Variants in RPH3A observed in about 807,000 individuals in gnomAD.
RPH3A encodes the protein rabphilin 3A.
RPH3A carries 48 observed loss-of-function variants against 102.2 expected under a neutral mutation model. The observed-to-expected ratio is 0.47, with a 90% confidence interval of 0.37 to 0.60. The LOEUF is 0.60. Among genes scored for constraint, RPH3A ranks in the 20% least tolerant of loss-of-function variants. RPH3A has a pLI of 0.00. For synonymous variants in RPH3A, 310 were observed against 324.3 expected (o/e 0.96, Z 0.47); for missense variants, 781 against 910.1 (o/e 0.86, Z 1.83).
At chr12:112,890,184 T>G (rs2043069694) in intron 18 of RPH3A, 104 bp downstream of exon 18, 1 of 1,005,172 alleles carries the variant, frequency 9.9e-7, no homozygotes, top group Admixed American at 1.8e-5. Context: ...TCCATTCTCT[T>G]CCAACCACCC....
At chr12:112,583,979 C>T (rs1312025240) in intron 1 of RPH3A, among the ~76,000 whole-genome samples, 1 of 152,118 alleles carries the variant, frequency 6.6e-6, no homozygotes, top group African/African-American at 2.4e-5. Flanking sequence ...GAGCGAGACC[C>T]TGTCTCAAAA....
chr12:112,819,467 A>T (rs1207379387), intron 2 of RPH3A, among the ~76,000 whole-genome samples: 1 of 152,172 alleles, frequency 6.6e-6, no homozygotes. Context: ...AGTCATGCAG[A>T]GACTAAAAAG....
intron 5 of RPH3A, among the ~76,000 whole-genome samples, chr12:112,856,483 CAT>C (rs777320766): frequency 1.2e-3 from 105 of 86,738 alleles, no homozygotes; most frequent in African/African-American, 6.1e-3. Context: ...CACACATGTG[CAT>C]GTGTGTGTGT....
chr12:112,741,350 A>T (rs1365174753), intron 1 of RPH3A, among the ~76,000 whole-genome samples: 2 of 151,968 alleles, frequency 1.3e-5, no homozygotes. Context: ...AGCTTCTCTC[A>T]TTTTGGATTG....
chr12:112,649,123 A>G (rs2039956221), intron 1 of RPH3A, among the ~76,000 whole-genome samples: 1 of 152,202 alleles, frequency 6.6e-6, no homozygotes, highest in Non-Finnish European at 1.5e-5. Context: ...CCTTTACACA[A>G]ATTTAAAACC....
At chr12:112,687,137 A>G (rs573703886) in intron 1 of RPH3A, among the ~76,000 whole-genome samples, 17 of 152,288 alleles carry the variant, frequency 1.1e-4, no homozygotes, top group African/African-American at 3.6e-4. Flanking sequence ...TTTGGCTGCA[A>G]GTAAGAGAAA....
intron 5 of RPH3A, among the ~76,000 whole-genome samples, chr12:112,852,104 G>A (rs189307257): frequency 6.6e-6 from 1 of 152,158 alleles, no homozygotes; most frequent in Non-Finnish European, 1.5e-5. Flanking sequence ...CAGTGGTTGG[G>A]CTGGGCTGGA....
At position 112,897,124 on chromosome 12, in the gene RPH3A, C is replaced by G. The variant is rs1357337951; in HGVS notation, c.*344C>G. On this transcript the variant is annotated 3_prime_UTR_variant, in exon 22 of 22. Transcript: ENST00000389385. Reference sequence around the variant, plus strand: ...CATTTAGGACTGTTTTTAGACCCTCCTAGCCTTGAACACACACATGTACAC... The same window carrying G: ...CATTTAGGACTGTTTTTAGACCCTCGTAGCCTTGAACACACACATGTACAC... The G allele has an allele frequency of 7.6e-6, 2 of 261,540 alleles. No homozygotes were observed. Among genetic ancestry groups the G allele is most frequent in the Non-Finnish European group, 1.5e-5 (2 of 131,652 alleles). 16.2% of individuals were successfully genotyped at this position (261,540 alleles called of 1,614,324 possible).
rs116143184 is a variant in RPH3A at position 112,640,588 on chromosome 12, T to C, written c.-140+65269T>C. ...TCCAGTAAATATTTTTTGAATTGAA[T>C]AGCATCTCAGTTTGGAGCAATAGAT... On this transcript the variant is annotated intron_variant, in intron 1 of 21. Coordinates refer to the RPH3A transcript ENST00000543106. 7.8e-3 allele frequency among the ~76,000 whole-genome samples: 1,185 copies of C among 152,232 alleles called. 13 individuals are homozygous for C. The highest frequency in any genetic ancestry group is 0.027 in the African/African-American group (1,127 of 41,544).
intron 1 of RPH3A, among the ~76,000 whole-genome samples, chr12:112,663,090 A>AAGAGAGAG (rs1265071786): frequency 1.1e-3 from 90 of 79,262 alleles, no homozygotes; most frequent in African/African-American, 4.5e-3. Flanking sequence ...GTGTGTGTGA[A>AAGAGAGAG]AGAGAGAGAG....
chr12:112,878,864 T>G (rs1401873601), intron 13 of RPH3A, among the ~76,000 whole-genome samples: 1 of 152,204 alleles, frequency 6.6e-6, no homozygotes, highest in Non-Finnish European at 1.5e-5. Context: ...ATTGCCCTCA[T>G]GGGGTTCTCA....
chr12:112,801,876 A>T (rs939904184), intron 2 of RPH3A, among the ~76,000 whole-genome samples: 5 of 152,064 alleles, frequency 3.3e-5, no homozygotes, highest in African/African-American at 1.2e-4. Context: ...TCAAAACAGT[A>T]TTTTTATAGA....
At chr12:112,684,479 G>A (rs932070079) in intron 1 of RPH3A, among the ~76,000 whole-genome samples, 1 of 151,876 alleles carries the variant, frequency 6.6e-6, no homozygotes, top group Admixed American at 6.6e-5. Context: ...TGTTGGCCAG[G>A]CTGGTCTCAC....
Position 112,581,369 on chromosome 12 carries a change from G to T in RPH3A, c.-140+6050G>T, listed in dbSNP as rs565682311. 3.3e-5 allele frequency among the ~76,000 whole-genome samples: 5 copies of T among 152,226 alleles called. No homozygotes were observed. The East Asian group carries it at 9.6e-4, about 29-fold the overall frequency. On this transcript the variant is annotated intron_variant, in intron 1 of 21. Transcript: ENST00000543106. ...ACTATCATGAGAAAAACATGGGAAA[G>T]ACCTGCCCCCATGATTCAATTACCT...
chr12:112,655,633 C>T (rs1199963543), intron 1 of RPH3A, among the ~76,000 whole-genome samples: 5 of 136,578 alleles, frequency 3.7e-5, no homozygotes, highest in South Asian at 4.9e-4. Flanking sequence ...TGCAGTGGCA[C>T]GATCTCAGCT....
rs546789869 is a variant in RPH3A at position 112,576,955 on chromosome 12, G to T, written c.-140+1636G>T. ...GAGTCTCTCTCTGTCACCCAGGCTG[G>T]AGTGCAGTGGCATGAAAATGGCTCA... On this transcript the variant is annotated intron_variant, in intron 1 of 21. Coordinates refer to the RPH3A transcript ENST00000543106. Among the ~76,000 whole-genome samples the T allele has an allele frequency of 6.0e-4, 77 of 128,466 alleles. 2 individuals carry two copies. The South Asian group carries it at 0.021, about 35-fold the overall frequency. The allele number at this position is 128,466 out of a possible 152,430, so 84.3% of individuals were successfully genotyped here.
At chr12:112,653,247 G>GT (rs375794784) in intron 1 of RPH3A, among the ~76,000 whole-genome samples, 29 of 151,642 alleles carry the variant, frequency 1.9e-4, no homozygotes, top group African/African-American at 6.8e-4. Context: ...AAATTAGCCT[G>GT]TATTCCCAGC....
At chr12:112,894,730 T>G in intron 20 of RPH3A, 71 bp downstream of exon 20, 1 of 1,319,120 alleles carries the variant, frequency 7.6e-7, no homozygotes, top group South Asian at 1.3e-5. Flanking sequence ...AATAGCCACA[T>G]AGCCATTAAA....
At chr12:112,653,717 T>G (rs2039992499) in intron 1 of RPH3A, among the ~76,000 whole-genome samples, 1 of 152,182 alleles carries the variant, frequency 6.6e-6, no homozygotes, top group South Asian at 2.1e-4. Flanking sequence ...TTTGTTGTAT[T>G]AGGTATTAAG....
Sources: gnomAD v4.1 joint callset for allele counts (sites outside exome capture counted in the v4.1 genomes callset) on GRCh38, gnomAD v4.1.1 for gene constraint, MANE v1.5 for transcripts, NCBI Gene and HGNC (gene_info 2026-07-23, HGNC 2026-07-21) for gene names.